PWWP3A: variants seen among roughly 807,000 people sequenced by gnomAD.
The protein encoded by PWWP3A is PWWP domain containing 3A, DNA repair factor.
In PWWP3A, 53 loss-of-function variants were observed where a neutral mutation model predicts 79.0. The ratio of observed to expected loss-of-function variants is 0.67; its 90% CI spans 0.54 to 0.84. The LOEUF is 0.84. Among genes scored for constraint, PWWP3A ranks in the 40% least tolerant of loss-of-function variants. The pLI is 0.00. For synonymous variants in PWWP3A, 443 were observed against 394.4 expected (o/e 1.12, Z -1.46); for missense variants, 973 against 948.0 (o/e 1.03, Z -0.35).
intron 8 of PWWP3A, among the ~76,000 whole-genome samples, chr19:1,366,762 G>C (rs752890092): frequency 6.6e-6 from 1 of 152,258 alleles, no homozygotes; most frequent in Non-Finnish European, 1.5e-5. Context: ...TTACCTGGTC[G>C]TTCCTTAGTC....
At position 1,356,308 on chromosome 19, in the gene PWWP3A, G is replaced by A. The variant is rs1568922914; in HGVS notation, c.-69-16G>A. On this transcript the variant is annotated splice_polypyrimidine_tract_variant and intron_variant, in intron 1 of 13. Transcript: ENST00000591337. Reference sequence around the variant, plus strand: ...AGCAAACAGTTGTATAAACCACCGTGCAAATTTCGTTCCAGGACACATTGG... The same window carrying A: ...AGCAAACAGTTGTATAAACCACCGTACAAATTTCGTTCCAGGACACATTGG... 7.4e-7 allele frequency: 1 copy of A among 1,349,844 alleles called. No homozygotes were observed. The highest frequency in any genetic ancestry group is 1.4e-5 in the African/African-American group (1 of 69,866). The allele number at this position is 1,349,844 out of a possible 1,614,324, so 83.6% of individuals were successfully genotyped here. A position where few individuals can be genotyped will look rare whatever the true frequency, so the allele number is the denominator to read the frequency against.
At chr19:1,358,196 A>C (rs1413664320) in intron 3 of PWWP3A, 198 bp from the exon 4 acceptor site, 8 of 500,994 alleles carry the variant, frequency 1.6e-5, no homozygotes, top group Non-Finnish European at 2.5e-5. Flanking sequence ...AAGGAAAAAA[A>C]AAAAAAAACC....
intron 8 of PWWP3A, among the ~76,000 whole-genome samples, chr19:1,366,753 T>C (rs1402782338): frequency 6.6e-6 from 1 of 152,266 alleles, no homozygotes; most frequent in African/African-American, 2.4e-5. Context: ...GCCCCTGGGT[T>C]ACCTGGTCGT....
chr19:1,356,341 C>A lies in PWWP3A; in HGVS notation c.-52C>A. 2 of 1,586,524 alleles carry A rather than the reference C, an allele frequency of 1.3e-6. No homozygotes were observed. Among genetic ancestry groups the A allele is most frequent in the Non-Finnish European group, 1.7e-6 (2 of 1,154,912 alleles). On this transcript the variant is annotated 5_prime_UTR_variant, in exon 2 of 14. Coordinates refer to ENST00000591337, the MANE Select transcript of PWWP3A (RefSeq NM_001369789.1). ...CGTTCCAGGACACATTGGCGTGAGA[C>A]CTGGGAGTACGTTGTGCCAAATCAT...
Position 1,371,094 on chromosome 19 carries a change from G to C in PWWP3A, c.1986+16G>C. 6.4e-7 allele frequency: 1 copy of C among 1,550,894 alleles called. No homozygotes were observed. The highest frequency in any genetic ancestry group is 8.7e-7 in the Non-Finnish European group (1 of 1,146,718). On this transcript the variant is annotated intron_variant, in intron 12 of 13. Transcript: ENST00000591337. ...TCTGCCCGAGGTGAGCCGCGGACCG[G>C]CGTGTCACGTGGGCAGGGAGGGGCC...
intron 6 of PWWP3A, among the ~76,000 whole-genome samples, chr19:1,363,111 C>T (rs796307013): frequency 1.3e-5 from 2 of 152,262 alleles, no homozygotes; most frequent in African/African-American, 2.4e-5. Flanking sequence ...TGGCAGCATC[C>T]GTAAGGCGCA....
In PWWP3A at chr19:1,360,488, G is replaced by A. The variant is rs775664710; in HGVS notation, c.567G>A (p.Pro189=). ...GGAAAAGTGAAAACCCAAGAGGCCC[G>A]TTGGTCCTCCCAGCTGGAGGTGGTG... is the stretch of plus-strand genomic sequence containing the variant. ...GLRKSENPRG[P]LVLPAGGGAQ... Residue 189 remains proline (P), a synonymous_variant, in exon 5 of 14, where the codon CCG becomes CCA. Transcript: ENST00000591337. The surrounding 1 kb of genome is among the most constrained non-coding windows in gnomAD (Gnocchi z 4.4). 21 of 1,614,118 alleles carry A rather than the reference G, an allele frequency of 1.3e-5. No individual in the cohort carries two copies. The highest frequency in any genetic ancestry group is 5.3e-5 in the African/African-American group (4 of 74,948).
intron 6 of PWWP3A, among the ~76,000 whole-genome samples, chr19:1,363,376 C>T (rs2082061927): frequency 6.6e-6 from 1 of 152,252 alleles, no homozygotes; most frequent in Non-Finnish European, 1.5e-5. Flanking sequence ...CACCACTCAC[C>T]AAACCCTGCC....
rs1374633150 is a variant in PWWP3A at position 1,378,254 on chromosome 19, ATCC to A, written c.*1682_*1684del. The A allele has an allele frequency of 2.6e-4, 39 of 152,204 alleles. No individual in the cohort carries two copies. Among genetic ancestry groups the A allele is most frequent in the Admixed American group, 2.6e-3 (39 of 15,278 alleles). 9.4% of individuals were successfully genotyped at this position (152,204 alleles called of 1,614,324 possible). On this transcript the variant is annotated 3_prime_UTR_variant, in exon 14 of 14. Transcript: ENST00000591337. ...CGGGCCTCGTACTGCCTCATGGAAA[ATCC>A]TCCGGAGCCGCCCTCCATTGTGGGT...
chr19:1,376,835 G>T lies in PWWP3A; in HGVS notation c.*259G>T. 2.4e-6 allele frequency: 1 copy of T among 413,914 alleles called. No individual in the cohort carries two copies. The highest frequency in any genetic ancestry group is 3.6e-5 in the South Asian group (1 of 27,926). The allele number at this position is 413,914 out of a possible 1,614,324, so 25.6% of individuals were successfully genotyped here. On this transcript the variant is annotated 3_prime_UTR_variant, in exon 14 of 14. Transcript: ENST00000591337. Reference sequence around the variant, plus strand: ...AAGATACCGTTCGGGAAAGGCTTTTGAAAGGACGGAAGCGTATTCACTGTG... The same window carrying T: ...AAGATACCGTTCGGGAAAGGCTTTTTAAAGGACGGAAGCGTATTCACTGTG...
chr19:1,360,173 A>G lies in PWWP3A; in HGVS notation c.252A>G (p.Glu84=). ...AGGTTCCTGCGGCACCCCTGGAAGA[A>G]CTGGCCTACAGACGGTCGCTTCGCG... is the stretch of plus-strand genomic sequence containing the variant. ...QNEVPAAPLE[E]LAYRRSLRVA... The change falls in exon 5 of 14, where the codon GAA becomes GAG. Residue 84 remains glutamate, a synonymous_variant. Coordinates refer to ENST00000591337, the MANE Select transcript of PWWP3A (RefSeq NM_001369789.1). This position sits in a 1 kb window ranked among gnomAD's most constrained non-coding sequence, Gnocchi z 4.4. 1 of 1,584,714 alleles carries G rather than the reference A, an allele frequency of 6.3e-7. No homozygotes were observed. The highest frequency in any genetic ancestry group is 1.2e-5 in the South Asian group (1 of 86,318).
intron 5 of PWWP3A, among the ~76,000 whole-genome samples, chr19:1,361,318 G>T (rs969124685): frequency 6.6e-6 from 1 of 152,234 alleles, no homozygotes; most frequent in Admixed American, 6.5e-5. Flanking sequence ...TCTGCGGCGC[G>T]GCTGGGAGCA....
rs745954665 is a variant in PWWP3A, at chr19:1,364,576, A to C, written c.1281A>C (p.Ala427=). 1 of 1,603,056 alleles carries C rather than the reference A, an allele frequency of 6.2e-7. No individual in the cohort carries two copies. Among genetic ancestry groups the C allele is most frequent in the East Asian group, 2.2e-5 (1 of 44,840 alleles). ...HKHKKYPFWP[A]VVKSVRQRDK... The stretch of plus-strand genomic sequence containing the variant: ...ATAAAAAATACCCCTTCTGGCCAGC[A>C]GTGGTAAGAACAGCTTCCTCCGTCT... The change falls in exon 7 of 14, where the codon GCA becomes GCC. Residue 427 remains alanine (A), a synonymous_variant. Coordinates refer to ENST00000591337, the MANE Select transcript of PWWP3A (RefSeq NM_001369789.1).
intron 3 of PWWP3A, 115 bp downstream of exon 3, chr19:1,357,209 C>T: frequency 1.4e-6 from 1 of 705,018 alleles, no homozygotes; most frequent in Non-Finnish European, 2.4e-6. Flanking sequence ...GCTTATTCAC[C>T]ATTTGTGTAA....
rs2144790093 is a variant in PWWP3A at position 1,377,321 on chromosome 19, G to GT, written c.*746dup. The GT allele has an allele frequency of 6.6e-6, 1 of 152,450 alleles. No homozygotes were observed. The highest frequency in any genetic ancestry group is 1.5e-5 in the Non-Finnish European group (1 of 68,124). 9.4% of individuals were successfully genotyped at this position (152,450 alleles called of 1,614,324 possible). A position where few individuals can be genotyped will look rare whatever the true frequency, so the allele number is the denominator to read the frequency against. ...TGTCCTGAGTGCATTTCCCTGCACT[G>GT]TGTCGTCACTGCACAGCCAGTCACC... On this transcript the variant is annotated 3_prime_UTR_variant, in exon 14 of 14. Transcript: ENST00000591337.
At position 1,366,462 on chromosome 19, in the gene PWWP3A, T is replaced by C. The variant is rs1296306592; in HGVS notation, c.1361+81T>C. 6 of 1,333,246 alleles carry C rather than the reference T, an allele frequency of 4.5e-6. No individual in the cohort carries two copies. The African/African-American group carries it at 5.8e-5, about 13-fold the overall frequency. The allele number at this position is 1,333,246 out of a possible 1,614,324, so 82.6% of individuals were successfully genotyped here. On this transcript the variant is annotated intron_variant, in intron 8 of 13. Coordinates refer to ENST00000591337, the MANE Select transcript of PWWP3A (RefSeq NM_001369789.1). Reference sequence around the variant, plus strand: ...CTCAGAGTCAGAGCGGGCGTGGGGATGGAGGGACAGAGGGGAGGCCCCGGC... The same window carrying C: ...CTCAGAGTCAGAGCGGGCGTGGGGACGGAGGGACAGAGGGGAGGCCCCGGC...
At chr19:1,358,291 G>A in intron 3 of PWWP3A, 103 bp from the exon 4 acceptor site, 1 of 1,124,136 alleles carries the variant, frequency 8.9e-7, no homozygotes, top group Non-Finnish European at 1.3e-6. Flanking sequence ...GAAGGTTGAG[G>A]AGGAAAATGA....
In PWWP3A at chr19:1,364,500, T is replaced by C; in HGVS notation, c.1214-9T>C. On this transcript the variant is annotated splice_polypyrimidine_tract_variant and intron_variant, in intron 6 of 13. Transcript: ENST00000591337. The stretch of plus-strand genomic sequence containing the variant: ...TTTTTTTTTGTTTTTCTTTTTTCTT[T>C]AATTCTAGAACCACGTTCGTTTGAA... 6.3e-7 allele frequency: 1 copy of C among 1,583,978 alleles called. No individual in the cohort carries two copies. Among genetic ancestry groups the C allele is most frequent in the Non-Finnish European group, 8.5e-7 (1 of 1,170,540 alleles).
chr19:1,364,185 T>A (rs757936879), intron 6 of PWWP3A: 82 of 555,646 alleles, frequency 1.5e-4, no homozygotes, highest in Non-Finnish European at 2.5e-4. Flanking sequence ...GTTAGGAAAG[T>A]CGCGCACACA....
Sources: allele counts gnomAD v4.1 joint callset (sites outside exome capture counted in the v4.1 genomes callset), GRCh38; gene constraint gnomAD v4.1.1; non-coding constraint Gnocchi (gnomAD v3.1); transcripts MANE v1.5; gene names NCBI Gene and HGNC (gene_info 2026-07-23, HGNC 2026-07-21).